Variants in LTN1 observed in about 807,000 individuals in gnomAD.
LTN1 encodes the protein E3 ubiquitin-protein ligase listerin.
Under a neutral mutation model 201.2 loss-of-function variants are expected in LTN1, and 88 were observed. The ratio of observed to expected loss-of-function variants is 0.44; its 90% CI spans 0.37 to 0.52. The LOEUF is 0.52. LTN1 is among the 20% of genes least tolerant of loss of function. LTN1 has a pLI of 0.00. For synonymous variants in LTN1, 645 were observed against 713.5 expected (o/e 0.90, Z 1.53); for missense variants, 1,752 against 2,038.7 (o/e 0.86, Z 2.71).
intron 4 of LTN1, among the ~76,000 whole-genome samples, chr21:28,983,292 C>A (rs1479807866): frequency 1.3e-5 from 2 of 152,206 alleles, no homozygotes. Flanking sequence ...AATTTATTTT[C>A]TAAAGCCTAT....
chr21:28,945,988 T>A (rs1568837260), intron 20 of LTN1, 37 bp from the exon 21 acceptor site: 1 of 1,551,620 alleles, frequency 6.4e-7, no homozygotes, highest in Non-Finnish European at 8.8e-7. Context: ...AATAAAAGAT[T>A]ATATTGACAT....
intron 16 of LTN1, among the ~76,000 whole-genome samples, chr21:28,956,232 C>T (rs2084424581): frequency 6.6e-6 from 1 of 152,062 alleles, no homozygotes; most frequent in Admixed American, 6.6e-5. Context: ...CCATAGTTAA[C>T]AATGATTTAT....
Position 28,947,549 on chromosome 21 carries a change from C to T in LTN1, c.3402G>A (p.Leu1134=), listed in dbSNP as rs568281090. Residue 1134 remains leucine (L), a synonymous_variant, in exon 19 of 30, where the codon TTG becomes TTA. Transcript: ENST00000361371. ...TAAATTCTTTCTTTTCTTCTTTTGA[C>T]AAAAATGGACATAGACTTTGAATGG... ...LHTIQSLCPF[L]SKEEKKEFSA... The T allele has an allele frequency of 3.1e-6, 5 of 1,590,588 alleles. No individual in the cohort carries two copies. In the African/African-American group the frequency reaches 5.4e-5, roughly 17 times the overall value.
At chr21:28,980,802 T>C (rs555306735) in intron 6 of LTN1, among the ~76,000 whole-genome samples, 1 of 152,014 alleles carries the variant, frequency 6.6e-6, no homozygotes, top group East Asian at 1.9e-4. Flanking sequence ...CCAGTGAAAG[T>C]AGAGAATGGA....
intron 11 of LTN1, chr21:28,961,178 T>C (rs2084476022): frequency 6.5e-6 from 1 of 152,710 alleles, no homozygotes; most frequent in Admixed American, 6.5e-5. Flanking sequence ...ACTTCTTTGA[T>C]ACCTGCTATC....
chr21:28,962,596 T>C (rs1337851244), intron 11 of LTN1, among the ~76,000 whole-genome samples: 1 of 152,206 alleles, frequency 6.6e-6, no homozygotes, highest in Non-Finnish European at 1.5e-5. Flanking sequence ...TCCTTAGGCA[T>C]CCCTATTCCC....
chr21:28,988,152 A>AC lies in LTN1; in HGVS notation c.43-1219_43-1218insG, dbSNP rs796555711. ...GCGAGACTCTGTCTCAAAAAAAAAA[A>AC]AAAACAACAAAAAAAAACAAATTGC... On this transcript the variant is annotated intron_variant, in intron 1 of 29. Coordinates refer to ENST00000361371, the MANE Select transcript of LTN1 (RefSeq NM_015565.3). Among the ~76,000 whole-genome samples the AC allele has an allele frequency of 2.3e-4, 33 of 142,844 alleles. 1 individual carries two copies. Among genetic ancestry groups the AC allele is most frequent in the African/African-American group, 8.6e-4 (33 of 38,590 alleles). The allele number at this position is 142,844 out of a possible 152,430, so 93.7% of individuals were successfully genotyped here.
chr21:28,950,817 T>A (rs528973682), intron 18 of LTN1, among the ~76,000 whole-genome samples: 21 of 152,150 alleles, frequency 1.4e-4, no homozygotes, highest in African/African-American at 4.6e-4. Context: ...CCTGGCAAAT[T>A]CCATTTATAA....
intron 6 of LTN1, among the ~76,000 whole-genome samples, chr21:28,977,886 C>T (rs2084628724): frequency 6.6e-6 from 1 of 151,930 alleles, no homozygotes; most frequent in African/African-American, 2.4e-5. Context: ...TGAGATCGTG[C>T]CACTGCACTT....
At chr21:28,976,654 A>C (rs2084617569) in intron 6 of LTN1, among the ~76,000 whole-genome samples, 1 of 152,156 alleles carries the variant, frequency 6.6e-6, no homozygotes, top group Non-Finnish European at 1.5e-5. Context: ...AGGAAGACTC[A>C]ACAACATAAA....
At chr21:28,952,881 T>C (rs951449309) in intron 17 of LTN1, among the ~76,000 whole-genome samples, 1 of 152,182 alleles carries the variant, frequency 6.6e-6, no homozygotes, top group African/African-American at 2.4e-5. Flanking sequence ...GACACACCTA[T>C]AACAACATGT....
In LTN1 at chr21:28,970,462, C is replaced by T. The variant is rs953389324; in HGVS notation, c.1175+90G>A. The T allele has an allele frequency of 2.4e-5, 21 of 891,594 alleles. No individual in the cohort carries two copies. The African/African-American group carries it at 3.4e-4, about 15-fold the overall frequency. 55.2% of individuals were successfully genotyped at this position (891,594 alleles called of 1,614,324 possible). A position where few individuals can be genotyped will look rare whatever the true frequency, so the allele number is the denominator to read the frequency against. On this transcript the variant is annotated intron_variant, in intron 8 of 29. Coordinates refer to ENST00000361371, the MANE Select transcript of LTN1 (RefSeq NM_015565.3). Reference sequence around the variant, plus strand: ...TAAAAGTATTTAATGAATAGTAAAACAACTTGGAGAAATTTAAGTAAGAAA... The same window carrying T: ...TAAAAGTATTTAATGAATAGTAAAATAACTTGGAGAAATTTAAGTAAGAAA...
At chr21:28,951,095 C>T (rs1216743270) in intron 18 of LTN1, among the ~76,000 whole-genome samples, 1 of 139,654 alleles carries the variant, frequency 7.2e-6, no homozygotes, top group South Asian at 2.3e-4. Flanking sequence ...ATGCCTTTTC[C>T]TTGGTTGTAA....
chr21:28,957,507 T>C (rs1448643821), intron 14 of LTN1, 31 bp from the exon 15 acceptor site: 1 of 1,493,950 alleles, frequency 6.7e-7, no homozygotes, highest in Non-Finnish European at 8.9e-7. Context: ...TTAACTGTTG[T>C]AGTTACGCTA....
At chr21:28,985,534 A>C (rs1450818381) in intron 3 of LTN1, among the ~76,000 whole-genome samples, 1 of 152,104 alleles carries the variant, frequency 6.6e-6, no homozygotes, top group Non-Finnish European at 1.5e-5. Flanking sequence ...CAGCAAATAT[A>C]CAGGGAATAA....
intron 11 of LTN1, among the ~76,000 whole-genome samples, chr21:28,963,267 T>G (rs746569293): frequency 1.3e-5 from 2 of 152,210 alleles, no homozygotes; most frequent in Non-Finnish European, 2.9e-5. Flanking sequence ...AATGCCTGGC[T>G]TCCAAGTTTC....
chr21:28,968,139 A>G (rs571508931), intron 9 of LTN1, among the ~76,000 whole-genome samples: 1 of 152,358 alleles, frequency 6.6e-6, no homozygotes, highest in South Asian at 2.1e-4. Flanking sequence ...GAAAAAGTTA[A>G]CCTAAAGATC....
At position 28,986,929 on chromosome 21, in the gene LTN1, T is replaced by G. The variant is rs2084702946; in HGVS notation, c.48A>C (p.Ser16=). 5.0e-6 allele frequency: 8 copies of G among 1,612,860 alleles called. No homozygotes were observed. The highest frequency in any genetic ancestry group is 6.8e-6 in the Non-Finnish European group (8 of 1,178,834). ...KQRTKGNLRP[S]NSGRAAELLA... Reference sequence around the variant, plus strand: ...GGAGTTCTGCAGCTCGGCCACTGTTTGAAGGCTGATAAGAAAATTACGGAG... The same window carrying G: ...GGAGTTCTGCAGCTCGGCCACTGTTGGAAGGCTGATAAGAAAATTACGGAG... The change falls in exon 2 of 30, where the codon TCA becomes TCC. Residue 16 remains serine (S), a synonymous_variant. Coordinates refer to ENST00000361371, the MANE Select transcript of LTN1 (RefSeq NM_015565.3). The surrounding 1 kb of genome is among the most constrained non-coding windows in gnomAD (Gnocchi z 4.1).
chr21:28,933,903 C>T (rs527652080), intron 27 of LTN1, among the ~76,000 whole-genome samples: 1 of 152,002 alleles, frequency 6.6e-6, no homozygotes, highest in Non-Finnish European at 1.5e-5. Context: ...CTTGAGCTCC[C>T]GAGCTCAGGT....
Sources: gnomAD v4.1 joint callset for allele counts (sites outside exome capture counted in the v4.1 genomes callset) on GRCh38, gnomAD v4.1.1 for gene constraint, Gnocchi (gnomAD v3.1) non-coding constraint, MANE v1.5 for transcripts, NCBI Gene and HGNC (gene_info 2026-07-23, HGNC 2026-07-21) for gene names.